The following POLR2B variants were observed in gnomAD, a reference collection of about 807,000 sequenced individuals.
POLR2B encodes the protein DNA-directed RNA polymerase II subunit RPB2.
Under a neutral mutation model 144.6 loss-of-function variants are expected in POLR2B, and 57 were observed. The ratio of observed to expected loss-of-function variants is 0.39; its 90% CI spans 0.32 to 0.49. The LOEUF is 0.49. POLR2B is among the 20% of genes least tolerant of loss of function. The pLI is 0.83. For missense variants in POLR2B, 595 were observed against 1,467.4 expected (o/e 0.41, Z 9.71); for synonymous variants, 442 against 469.8 (o/e 0.94, Z 0.77).
chr4:57,009,173 A>G (rs898920452), intron 10 of POLR2B, among the ~76,000 whole-genome samples: 1 of 152,176 alleles, frequency 6.6e-6, no homozygotes, highest in Non-Finnish European at 1.5e-5. Context: ...TGATTAGTAG[A>G]ATGGTTGAAA....
chr4:57,017,071 G>A lies in POLR2B; in HGVS notation c.1984G>A (p.Val662Met). ...SWQDLVASGV[V>M]EYIDTLEEET... ...GCAGGATCTTGTGGCCAGTGGGGTAGTGGAGTATATTGATACCCTGGAAGA... is the reference window on the plus strand; with the variant it reads ...GCAGGATCTTGTGGCCAGTGGGGTAATGGAGTATATTGATACCCTGGAAGA... The change falls in exon 15 of 25, where the codon GTG (valine) becomes ATG (methionine). Residue 662 changes from valine to methionine, a missense_variant. By Grantham distance (21) the Val-to-Met change is conservative. This residue lies in a region of POLR2B where 59 missense variants were observed against 84.2 expected (regional missense o/e 0.70). Transcript: ENST00000314595. The surrounding 1 kb of genome is among the most constrained non-coding windows in gnomAD (Gnocchi z 4.8). 1 of 1,609,044 alleles carries A rather than the reference G, an allele frequency of 6.2e-7. No individual in the cohort carries two copies.
chr4:56,979,327 C>T (rs1349584952), intron 1 of POLR2B, among the ~76,000 whole-genome samples: 3 of 151,608 alleles, frequency 2.0e-5, no homozygotes, highest in African/African-American at 7.3e-5. Context: ...AAAGGGCACC[C>T]TTTAAAAATT....
In POLR2B at chr4:56,994,637, A is replaced by AT. The variant is rs1419365721; in HGVS notation, c.357-6dup. 20 of 1,581,172 alleles carry AT rather than the reference A, an allele frequency of 1.3e-5. No homozygotes were observed. The highest frequency in any genetic ancestry group is 1.7e-5 in the Non-Finnish European group (20 of 1,150,556). Reference sequence around the variant, plus strand: ...TATTGCTTAACTGTGATCTACTTTTATTTTCAAAGGTATTCTGCTCCGCTT... The same window carrying AT: ...TATTGCTTAACTGTGATCTACTTTTATTTTTCAAAGGTATTCTGCTCCGCTT... On this transcript the variant is annotated splice_polypyrimidine_tract_variant and intron_variant, in intron 4 of 24. Transcript: ENST00000314595.
Position 56,979,015 on chromosome 4 carries a change from G to C in POLR2B, c.19+11G>C, listed in dbSNP as rs1272980734. 6.2e-7 allele frequency: 1 copy of C among 1,612,466 alleles called. No homozygotes were observed. Among genetic ancestry groups the C allele is most frequent in the African/African-American group, 1.3e-5 (1 of 74,880 alleles). On this transcript the variant is annotated intron_variant, in intron 1 of 24. Coordinates refer to ENST00000314595, the MANE Select transcript of POLR2B (RefSeq NM_000938.3). Reference sequence around the variant, plus strand: ...ACGACGCGGATGAGGGTAGGTGAACGCTCAAAACACACGCCGTGGCGGTCC... The same window carrying C: ...ACGACGCGGATGAGGGTAGGTGAACCCTCAAAACACACGCCGTGGCGGTCC...
Position 56,994,846 on chromosome 4 carries a change from A to G in POLR2B, c.556A>G (p.Ile186Val), listed in dbSNP as rs1384522181. ...CCCTTTGGATCCTGGTGGCTATTTC[A>G]TTATTAATGGATCAGAAAAGGTATA... ...ECPLDPGGYFIINGSEKVLIA... is the reference protein window; with the variant it reads ...ECPLDPGGYFVINGSEKVLIA... The change falls in exon 5 of 25, where the codon ATT (isoleucine) becomes GTT (valine). Residue 186 changes from isoleucine to valine, a missense_variant. Ile to Val is a conservative substitution (Grantham distance 29). This residue lies in a region of POLR2B where 251 missense variants were observed against 567.3 expected (regional missense o/e 0.44). Coordinates refer to ENST00000314595, the MANE Select transcript of POLR2B (RefSeq NM_000938.3). The G allele has an allele frequency of 6.3e-7, 1 of 1,592,118 alleles. No individual in the cohort carries two copies. Among genetic ancestry groups the G allele is most frequent in the African/African-American group, 1.3e-5 (1 of 74,348 alleles).
At chr4:56,996,304 C>T (rs1171090745) in intron 6 of POLR2B, among the ~76,000 whole-genome samples, 2 of 86,414 alleles carry the variant, frequency 2.3e-5, no homozygotes, top group East Asian at 5.3e-4. Context: ...TTTTTTGAGA[C>T]GGAGTCTTGC....
intron 23 of POLR2B, among the ~76,000 whole-genome samples, chr4:57,027,241 T>G (rs963613166): frequency 6.6e-6 from 1 of 152,132 alleles, no homozygotes; most frequent in Non-Finnish European, 1.5e-5. Flanking sequence ...ATGGTTGGCC[T>G]CAAGTGATCC....
intron 24 of POLR2B, chr4:57,030,636 T>G (rs1163012375): frequency 1.8e-6 from 1 of 546,446 alleles, no homozygotes; most frequent in African/African-American, 1.9e-5. Context: ...TAATAAGACT[T>G]TGTACAAGGG....
intron 6 of POLR2B, among the ~76,000 whole-genome samples, chr4:56,996,033 G>A (rs1722665045): frequency 6.6e-6 from 1 of 151,964 alleles, no homozygotes. Flanking sequence ...GGAATCATTG[G>A]GTACCAGCTT....
In POLR2B at chr4:57,015,616, C is replaced by A; in HGVS notation, c.1915C>A (p.His639Asn). Residue 639 changes from histidine (H) to asparagine (N), a missense_variant, in exon 14 of 25, where the codon CAT becomes AAT. By Grantham distance (68) the His-to-Asn change is moderately conservative. This residue lies in a region of POLR2B where 59 missense variants were observed against 84.2 expected (regional missense o/e 0.70). Transcript: ENST00000314595. ...EKQKLLLKKR[H>N]IDQLKEREYN... ...ACAAAAGCTACTTTTGAAGAAGAGG[C>A]ATATTGACCAATTGAAAGAGAGAGA... 2 of 1,496,912 alleles carry A rather than the reference C, an allele frequency of 1.3e-6. No individual in the cohort carries two copies. The highest frequency in any genetic ancestry group is 1.8e-6 in the Non-Finnish European group (2 of 1,110,836). 92.7% of individuals were successfully genotyped at this position (1,496,912 alleles called of 1,614,324 possible).
intron 1 of POLR2B, among the ~76,000 whole-genome samples, chr4:56,982,899 T>C (rs1722200215): frequency 6.6e-6 from 1 of 152,170 alleles, no homozygotes. Flanking sequence ...GGCATCATTT[T>C]TGACTCCTCT....
At chr4:57,013,659 T>G (rs745900099) in intron 13 of POLR2B, among the ~76,000 whole-genome samples, 3 of 152,064 alleles carry the variant, frequency 2.0e-5, no homozygotes, top group Non-Finnish European at 2.9e-5. Context: ...CACCTCAGGC[T>G]CCTAAGTGGC....
At chr4:56,996,421 C>T (rs1722692169) in intron 6 of POLR2B, among the ~76,000 whole-genome samples, 1 of 150,344 alleles carries the variant, frequency 6.7e-6, no homozygotes, top group Non-Finnish European at 1.5e-5. Flanking sequence ...GCTGGGACTA[C>T]AGGCGCCCGC....
intron 6 of POLR2B, among the ~76,000 whole-genome samples, chr4:56,998,354 T>C (rs1480293708): frequency 6.6e-6 from 1 of 151,998 alleles, no homozygotes; most frequent in Non-Finnish European, 1.5e-5. Flanking sequence ...TGTGCCACCA[T>C]GCCCAGCTAA....
At chr4:56,979,464 G>A (rs1722084950) in intron 1 of POLR2B, among the ~76,000 whole-genome samples, 1 of 132,042 alleles carries the variant, frequency 7.6e-6, no homozygotes, top group Non-Finnish European at 1.6e-5. Context: ...TGGCGGGGGG[G>A]ACTCGGTTTA....
chr4:57,029,781 T>C (rs965528992), intron 23 of POLR2B, among the ~76,000 whole-genome samples: 2 of 152,348 alleles, frequency 1.3e-5, no homozygotes, highest in East Asian at 3.9e-4. Context: ...AATGATAGCA[T>C]GATGAACCTC....
chr4:57,006,707 A>C (rs1294062610), intron 9 of POLR2B, 109 bp from the exon 10 acceptor site: 1 of 807,942 alleles, frequency 1.2e-6, no homozygotes, highest in African/African-American at 1.7e-5. Context: ...CACTCTGCCC[A>C]AACAATTTTT....
intron 6 of POLR2B, among the ~76,000 whole-genome samples, chr4:56,998,780 T>A (rs550550326): frequency 6.6e-6 from 1 of 152,274 alleles, no homozygotes; most frequent in African/African-American, 2.4e-5. Flanking sequence ...ATATGGGGGC[T>A]GAGGGTACAA....
In POLR2B at chr4:57,025,511, T is replaced by C. The variant is rs748661646; in HGVS notation, c.3213T>C (p.Asn1071=). 25 of 1,607,892 alleles carry C rather than the reference T, an allele frequency of 1.6e-5. No individual in the cohort carries two copies. Among genetic ancestry groups the C allele is most frequent in the Non-Finnish European group, 2.1e-5 (25 of 1,174,302 alleles). The part of the protein sequence containing the change: ...SRARGPIQIL[N]RQPMEGRSRD... ...CTAGGGGACCTATTCAGATCCTCAA[T>C]AGACAGCCCATGGAGGGTAGATCTC... The change falls in exon 23 of 25, where the codon AAT becomes AAC. Residue 1071 remains asparagine, a synonymous_variant. Coordinates refer to ENST00000314595, the MANE Select transcript of POLR2B (RefSeq NM_000938.3).
Sources: allele counts gnomAD v4.1 joint callset (sites outside exome capture counted in the v4.1 genomes callset), GRCh38; gene constraint gnomAD v4.1.1; regional missense constraint gnomAD v4.1.1; non-coding constraint Gnocchi (gnomAD v3.1); transcripts MANE v1.5; gene names NCBI Gene and HGNC (gene_info 2026-07-23, HGNC 2026-07-21).